The following GRM7 variants were observed in gnomAD, a reference collection of about 807,000 sequenced individuals.
The protein encoded by GRM7 is metabotropic glutamate receptor 7.
A neutral mutation model predicts 84.5 loss-of-function variants in GRM7; 35 were observed. That is an observed-to-expected ratio of 0.41 (90% CI 0.32 to 0.55). The LOEUF (loss-of-function observed/expected upper bound fraction) is 0.55. Ranked by LOEUF, GRM7 falls within the 20% of genes least tolerant of loss-of-function variation. The pLI is 0.19. For missense variants in GRM7, 1,003 were observed against 1,194.6 expected (o/e 0.84, Z 2.36); for synonymous variants, 487 against 455.1 (o/e 1.07, Z -0.89).
intron 2 of GRM7, among the ~76,000 whole-genome samples, chr3:7,155,430 C>T (rs1694417793): frequency 6.6e-6 from 1 of 151,864 alleles, no homozygotes; most frequent in Non-Finnish European, 1.5e-5. Context: ...TTTAACTGTG[C>T]CCACACACAA....
intron 1 of GRM7, among the ~76,000 whole-genome samples, chr3:6,979,761 A>G (rs1694127466): frequency 6.6e-6 from 1 of 152,204 alleles, no homozygotes. Context: ...TTTCACCATT[A>G]CTTTTAATTG....
chr3:7,318,754 A>G (rs553382197), intron 4 of GRM7, among the ~76,000 whole-genome samples: 2 of 152,064 alleles, frequency 1.3e-5, no homozygotes, highest in Non-Finnish European at 2.9e-5. Context: ...TTAAGTAGAA[A>G]CTGTTTTTTC....
In GRM7 at chr3:7,184,294, G is replaced by A. The variant is rs576173383; in HGVS notation, c.736+37626G>A. Among the ~76,000 whole-genome samples, 4 of 152,126 alleles carry A rather than the reference G, an allele frequency of 2.6e-5. No homozygotes were observed. The East Asian group carries it at 7.7e-4, about 29-fold the overall frequency. Reference sequence around the variant, plus strand: ...TTCCATTTATTCTTTCCTAGACATTGCCCCTACTGTGATCTGTTTTTTAAA... The same window carrying A: ...TTCCATTTATTCTTTCCTAGACATTACCCCTACTGTGATCTGTTTTTTAAA... On this transcript the variant is annotated intron_variant, in intron 2 of 9. Transcript: ENST00000357716.
At chr3:7,089,692 A>G (rs1014109243) in intron 1 of GRM7, among the ~76,000 whole-genome samples, 3 of 152,220 alleles carry the variant, frequency 2.0e-5, no homozygotes, top group African/African-American at 7.2e-5. Context: ...CTAAGCTACA[A>G]TCTTTGACAA....
intron 7 of GRM7, among the ~76,000 whole-genome samples, chr3:7,536,108 G>T (rs1043207599): frequency 2.0e-5 from 3 of 152,176 alleles, no homozygotes; most frequent in African/African-American, 7.2e-5. Context: ...TACCAAAAGT[G>T]TGTGGTGGCT....
chr3:7,464,667 A>C (rs1698387825), intron 7 of GRM7, among the ~76,000 whole-genome samples: 1 of 151,916 alleles, frequency 6.6e-6, no homozygotes, highest in Non-Finnish European at 1.5e-5. Context: ...CGTCTCTAAA[A>C]ATACAAAAAA....
At chr3:7,686,721 C>T (rs183854408) in intron 9 of GRM7, among the ~76,000 whole-genome samples, 12 of 152,182 alleles carry the variant, frequency 7.9e-5, no homozygotes, top group South Asian at 4.1e-4. Context: ...CTGGTCATTC[C>T]GACACATGCT....
intron 5 of GRM7, among the ~76,000 whole-genome samples, chr3:7,426,914 A>G (rs935219671): frequency 1.7e-4 from 26 of 152,214 alleles, no homozygotes. Flanking sequence ...ATTTCAATGC[A>G]ATTGATCAGA....
intron 7 of GRM7, among the ~76,000 whole-genome samples, chr3:7,547,194 C>CTTTTTTTTTT (rs55678792): frequency 6.5e-5 from 5 of 76,424 alleles, no homozygotes; most frequent in African/African-American, 2.9e-4. Flanking sequence ...AGAGTGAATT[C>CTTTTTTTTTT]TTTTTTTTTT....
chr3:7,442,475 C>A (rs1396063653), intron 5 of GRM7, among the ~76,000 whole-genome samples: 2 of 150,230 alleles, frequency 1.3e-5, no homozygotes, highest in African/African-American at 4.9e-5. Context: ...ACTGCTCTAA[C>A]TAGAACTTGC....
intron 7 of GRM7, among the ~76,000 whole-genome samples, chr3:7,554,974 A>G (rs1213568298): frequency 6.6e-6 from 1 of 152,180 alleles, no homozygotes; most frequent in Non-Finnish European, 1.5e-5. Context: ...GGGTGGTCAG[A>G]AAGGGCATCT....
At chr3:6,927,004 G>A (rs779872606) in intron 1 of GRM7, among the ~76,000 whole-genome samples, 18 of 152,252 alleles carry the variant, frequency 1.2e-4, no homozygotes, top group Non-Finnish European at 2.2e-4. Context: ...GAAGCAGCCC[G>A]CATCTTTCAC....
intron 4 of GRM7, among the ~76,000 whole-genome samples, chr3:7,362,641 G>A (rs972821581): frequency 2.0e-5 from 3 of 152,012 alleles, no homozygotes; most frequent in Non-Finnish European, 4.4e-5. Context: ...TTAGCTGTAC[G>A]ATTCATTAAA....
chr3:7,048,735 C>T (rs7428271), intron 1 of GRM7, among the ~76,000 whole-genome samples: 81,692 of 151,454 alleles, frequency 0.54, 23,372 homozygotes, highest in African/African-American at 0.75. Flanking sequence ...CTTTGTGGTA[C>T]GAACACTTAA....
At chr3:6,927,862 C>T (rs1456696046) in intron 1 of GRM7, among the ~76,000 whole-genome samples, 4 of 152,038 alleles carry the variant, frequency 2.6e-5, no homozygotes, top group South Asian at 2.1e-4. Context: ...TCCTATTATT[C>T]GGCACTTAAG....
In GRM7 at chr3:7,312,380, G is replaced by A. The variant is rs544131459; in HGVS notation, c.1033+5728G>A. On this transcript the variant is annotated intron_variant, in intron 4 of 9. Coordinates refer to ENST00000357716, the MANE Select transcript of GRM7 (RefSeq NM_000844.4). ...AGAAGAAGAGAGCAGTTCCTCAAAAGGAAGGGAGGCAATCAGTAGACTCAT... is the reference window on the plus strand; with the variant it reads ...AGAAGAAGAGAGCAGTTCCTCAAAAAGAAGGGAGGCAATCAGTAGACTCAT... 9.5e-4 allele frequency among the ~76,000 whole-genome samples: 144 copies of A among 152,138 alleles called. 1 individual carries two copies. The South Asian group carries it at 0.014, about 15-fold the overall frequency.
intron 2 of GRM7, among the ~76,000 whole-genome samples, chr3:7,183,727 C>A (rs755857033): frequency 6.6e-6 from 1 of 152,126 alleles, no homozygotes; most frequent in African/African-American, 2.4e-5. Context: ...TAAATATTCA[C>A]TTATATTTGT....
chr3:7,177,041 C>T (rs1199599731), intron 2 of GRM7, among the ~76,000 whole-genome samples: 3 of 152,156 alleles, frequency 2.0e-5, no homozygotes, highest in Non-Finnish European at 4.4e-5. Context: ...CACATAGACT[C>T]CAAATTTTTC....
intron 7 of GRM7, among the ~76,000 whole-genome samples, chr3:7,492,517 A>G (rs1699558062): frequency 6.6e-6 from 1 of 152,016 alleles, no homozygotes; most frequent in African/African-American, 2.4e-5. Flanking sequence ...TTGTTGTTCT[A>G]TTTACCTATC....
Sources: allele counts gnomAD v4.1 joint callset (sites outside exome capture counted in the v4.1 genomes callset), GRCh38; gene constraint gnomAD v4.1.1; transcripts MANE v1.5; gene names NCBI Gene and HGNC (gene_info 2026-07-23, HGNC 2026-07-21).